The following PMPCA variants were observed in gnomAD, a reference collection of about 807,000 sequenced individuals.
PMPCA encodes mitochondrial-processing peptidase subunit alpha.
A neutral mutation model predicts 59.3 loss-of-function variants in PMPCA; 47 were observed. The observed-to-expected ratio is 0.79, with a 90% CI of 0.63 to 1.01. The LOEUF is 1.01. PMPCA is among the 50% of genes least tolerant of loss of function. The probability of loss-of-function intolerance (pLI) is 0.00; values close to 1 mark genes in which losing one functional copy is unlikely to be tolerated. For missense variants in PMPCA, 726 were observed against 704.5 expected (o/e 1.03, Z -0.34); for synonymous variants, 338 against 290.3 (o/e 1.16, Z -1.67).
rs761562472 is a variant in PMPCA, at chr9:136,418,064, C to T, written c.945C>T (p.Pro315=). 5 of 1,613,990 alleles carry T rather than the reference C, an allele frequency of 3.1e-6. No individual in the cohort carries two copies. The highest frequency in any genetic ancestry group is 2.2e-5 in the South Asian group (2 of 91,084). ...TCAGCCTGGGCCCGACCCCCATCCC[C>T]GAGCTCACGCACATCATGGTTGGAC... ...SNVSLGPTPI[P]ELTHIMVGLE... is the part of the protein sequence containing the mutation. Residue 315 remains proline, a synonymous_variant, in exon 8 of 13, where the codon CCC becomes CCT. Transcript: ENST00000371717.
At chr9:136,415,938 C>G (rs1835260944) in intron 5 of PMPCA, 1 of 305,994 alleles carries the variant, frequency 3.3e-6, no homozygotes, top group East Asian at 6.9e-5. Flanking sequence ...CAGCGTGTGC[C>G]TCTGTTTCTA....
At chr9:136,414,307 TC>T (rs1283557778) in intron 4 of PMPCA, among the ~76,000 whole-genome samples, 8 of 152,178 alleles carry the variant, frequency 5.3e-5, no homozygotes, top group African/African-American at 1.9e-4. Flanking sequence ...TGTCTGCTGT[TC>T]CCCGATGAAG....
chr9:136,419,398 C>T (rs73670259), intron 11 of PMPCA: 7,177 of 529,598 alleles, frequency 0.014, 430 homozygotes, highest in African/African-American at 0.12. Context: ...CTGGGTGAGT[C>T]GTGGGACTGA....
rs910970381 is a variant in PMPCA at position 136,423,512 on chromosome 9, C to T, written c.*248C>T. On this transcript the variant is annotated 3_prime_UTR_variant, in exon 13 of 13. Coordinates refer to ENST00000371717, the MANE Select transcript of PMPCA (RefSeq NM_015160.3). Reference sequence around the variant, plus strand: ...TGCCCAGCGCTGGAGTGCAGCGTGCCACGAGGAGGGCGGTCGGTGCTTCCC... The same window carrying T: ...TGCCCAGCGCTGGAGTGCAGCGTGCTACGAGGAGGGCGGTCGGTGCTTCCC... 27 of 478,688 alleles carry T rather than the reference C, an allele frequency of 5.6e-5. No individual in the cohort carries two copies. The highest frequency in any genetic ancestry group is 4.8e-4 in the African/African-American group (25 of 51,670). 29.7% of individuals were successfully genotyped at this position (478,688 alleles called of 1,614,324 possible). A position where few individuals can be genotyped will look rare whatever the true frequency, so the allele number is the denominator to read the frequency against.
Position 136,416,812 on chromosome 9 carries a change from A to G in PMPCA, c.634-139A>G, listed in dbSNP as rs565250892. 331 of 692,438 alleles carry G rather than the reference A, an allele frequency of 4.8e-4. 1 individual carries two copies. Among genetic ancestry groups the G allele is most frequent in the East Asian group, 1.1e-3 (40 of 36,906 alleles). The allele number at this position is 692,438 out of a possible 1,614,324, so 42.9% of individuals were successfully genotyped here. ...CTTTATAAATACGCACGCAGCTGCTATTGCCAGAGTGCAAGTAAAATATCA... is the reference window on the plus strand; with the variant it reads ...CTTTATAAATACGCACGCAGCTGCTGTTGCCAGAGTGCAAGTAAAATATCA... On this transcript the variant is annotated intron_variant, in intron 6 of 12. Coordinates refer to ENST00000371717, the MANE Select transcript of PMPCA (RefSeq NM_015160.3).
chr9:136,422,050 G>A (rs751528359), intron 12 of PMPCA, 74 bp downstream of exon 12: 13 of 1,551,914 alleles, frequency 8.4e-6, no homozygotes, highest in East Asian at 2.4e-5. Flanking sequence ...TCGCCCTCCC[G>A]CAGGCCGTGG....
intron 6 of PMPCA, chr9:136,416,742 C>T (rs925564276): frequency 1.2e-5 from 7 of 594,400 alleles, no homozygotes; most frequent in Admixed American, 9.2e-5. Context: ...CACAATTAAT[C>T]TTAGGCTTTT....
intron 5 of PMPCA, among the ~76,000 whole-genome samples, chr9:136,415,907 A>G (rs1231973851): frequency 6.6e-6 from 1 of 152,204 alleles, no homozygotes; most frequent in African/African-American, 2.4e-5. Flanking sequence ...TGCTGGGATT[A>G]CAGGCGTGAG....
intron 2 of PMPCA, 73 bp downstream of exon 2, chr9:136,412,272 T>C (rs1305725531): frequency 9.1e-7 from 1 of 1,102,502 alleles, no homozygotes; most frequent in East Asian, 2.4e-5. Flanking sequence ...CTGTTAGTTG[T>C]AATTAGCATG....
In PMPCA at chr9:136,423,404, G is replaced by C; in HGVS notation, c.*140G>C. Reference sequence around the variant, plus strand: ...ACAATGTCGCCACAGCACCCACGCGGTTTGCATTCTTTTGGAACTCAATGT... The same window carrying C: ...ACAATGTCGCCACAGCACCCACGCGCTTTGCATTCTTTTGGAACTCAATGT... On this transcript the variant is annotated 3_prime_UTR_variant, in exon 13 of 13. Transcript: ENST00000371717. The C allele has an allele frequency of 1.2e-6, 1 of 858,588 alleles. No individual in the cohort carries two copies. The highest frequency in any genetic ancestry group is 1.8e-6 in the Non-Finnish European group (1 of 569,508). 53.2% of individuals were successfully genotyped at this position (858,588 alleles called of 1,614,324 possible).
In PMPCA at chr9:136,417,078, C is replaced by T; in HGVS notation, c.761C>T (p.Ala254Val). 1 of 1,614,024 alleles carries T rather than the reference C, an allele frequency of 6.2e-7. No homozygotes were observed. The highest frequency in any genetic ancestry group is 8.5e-7 in the Non-Finnish European group (1 of 1,180,028). Residue 254 changes from alanine to valine, a missense_variant, in exon 7 of 13, where the codon GCC becomes GTC. Ala to Val is a moderately conservative substitution (Grantham distance 64, BLOSUM62 0). Coordinates refer to ENST00000371717, the MANE Select transcript of PMPCA (RefSeq NM_015160.3). ...TACACTCCCGACCGCATGGTGCTGG[C>T]CGGCGTGGGCGTGGAGCACGAGCAT... is the stretch of plus-strand genomic sequence containing the variant. The part of the protein sequence containing the change: ...NYYTPDRMVL[A>V]GVGVEHEHLV...
intron 7 of PMPCA, 77 bp downstream of exon 7, chr9:136,417,291 T>C (rs1459067542): frequency 1.9e-5 from 24 of 1,271,434 alleles, no homozygotes; most frequent in Non-Finnish European, 2.3e-5. Flanking sequence ...GTTTTTGTAT[T>C]GATTCTGAGG....
At chr9:136,412,692 T>C in intron 3 of PMPCA, 118 bp from the exon 4 acceptor site, 1 of 814,056 alleles carries the variant, frequency 1.2e-6, no homozygotes, top group Non-Finnish European at 2.1e-6. Flanking sequence ...TAAAAGACTT[T>C]TAAGTTAAAA....
chr9:136,419,332 A>C (rs1297825321), intron 11 of PMPCA: 1 of 610,430 alleles, frequency 1.6e-6, no homozygotes, highest in Non-Finnish European at 2.9e-6. Flanking sequence ...CGAAAACAGA[A>C]AAACAGACCA....
chr9:136,422,775 G>T, intron 12 of PMPCA: 2 of 1,141,310 alleles, frequency 1.8e-6, no homozygotes, highest in East Asian at 5.2e-5. Flanking sequence ...GGGGGCTGGG[G>T]GTTTTTTCTG....
chr9:136,414,661 C>T lies in PMPCA; in HGVS notation c.532+14C>T, dbSNP rs748637349. 1.3e-6 allele frequency: 2 copies of T among 1,575,566 alleles called. No individual in the cohort carries two copies. Among genetic ancestry groups the T allele is most frequent in the African/African-American group, 2.7e-5 (2 of 74,122 alleles). On this transcript the variant is annotated intron_variant, in intron 5 of 12. Coordinates refer to ENST00000371717, the MANE Select transcript of PMPCA (RefSeq NM_015160.3). Reference sequence around the variant, plus strand: ...CCCGGCTAACAGGTGTGGATCCCAGCCGCTGGCGTTTGAGGTGGGCTTGGA... The same window carrying T: ...CCCGGCTAACAGGTGTGGATCCCAGTCGCTGGCGTTTGAGGTGGGCTTGGA...
intron 4 of PMPCA, among the ~76,000 whole-genome samples, chr9:136,414,023 C>G (rs1486800805): frequency 1.3e-5 from 2 of 152,224 alleles, no homozygotes; most frequent in Non-Finnish European, 2.9e-5. Context: ...TGCAGTGCCT[C>G]ATGCCGGGAA....
chr9:136,413,019 T>A (rs1835178505), intron 4 of PMPCA, 127 bp downstream of exon 4: 2 of 691,470 alleles, frequency 2.9e-6, no homozygotes, highest in Non-Finnish European at 5.2e-6. Context: ...AGGAGCCCTG[T>A]CCTGGATGGA....
rs1200162091 is a variant in PMPCA, at chr9:136,422,141, C to T, written c.1408+165C>T. 1.3e-5 allele frequency: 20 copies of T among 1,542,158 alleles called. No individual in the cohort carries two copies. The South Asian group carries it at 1.6e-4, about 12-fold the overall frequency. ...CAGCAGGGGCGGCCAAGGGCAGGGT[C>T]GTGGGGTCGCAGACCTGGTCTCACT... On this transcript the variant is annotated intron_variant, in intron 12 of 12. Transcript: ENST00000371717.
Sources: allele counts gnomAD v4.1 joint callset (sites outside exome capture counted in the v4.1 genomes callset), GRCh38; gene constraint gnomAD v4.1.1; transcripts MANE v1.5; gene names NCBI Gene and HGNC (gene_info 2026-07-23, HGNC 2026-07-21).